The following ATF7IP2 variants were observed in gnomAD, a reference collection of about 807,000 sequenced individuals.
ATF7IP2 encodes the protein activating transcription factor 7 interacting protein 2.
A neutral mutation model predicts 64.2 loss-of-function variants in ATF7IP2; 42 were observed. That is an observed-to-expected ratio of 0.65 (90% CI 0.51 to 0.85). ATF7IP2 has a LOEUF of 0.85. Ranked by LOEUF, ATF7IP2 falls within the 40% of genes least tolerant of loss-of-function variation. ATF7IP2 has a pLI of 0.00. For missense variants in ATF7IP2, 933 were observed against 784.2 expected (o/e 1.19, Z -2.27); for synonymous variants, 308 against 272.8 (o/e 1.13, Z -1.27).
At chr16:10,401,108 G>T (rs145093929) in intron 1 of ATF7IP2, among the ~76,000 whole-genome samples, 1 of 152,148 alleles carries the variant, frequency 6.6e-6, no homozygotes, top group African/African-American at 2.4e-5. Context: ...ATTGATTTGC[G>T]TGTGTAGAAC....
chr16:10,462,404 T>C (rs2049404488), intron 9 of ATF7IP2, among the ~76,000 whole-genome samples: 1 of 152,106 alleles, frequency 6.6e-6, no homozygotes, highest in Non-Finnish European at 1.5e-5. Context: ...TTAGGAAAAA[T>C]GCCATCAGTT....
rs1352020607 is a variant in ATF7IP2 at position 10,428,940 on chromosome 16, C to T, written c.-87C>T. 1 of 151,680 alleles carries T rather than the reference C, an allele frequency of 6.6e-6. No homozygotes were observed. The highest frequency in any genetic ancestry group is 2.4e-5 in the African/African-American group (1 of 41,250). 9.4% of individuals were successfully genotyped at this position (151,680 alleles called of 1,614,324 possible). ...CCTTGCTGGAGTGCAGTGGTGCAAT[C>T]ACAGATCACGGCAGTGTCTAATTCC... On this transcript the variant is annotated 5_prime_UTR_variant, in exon 4 of 14. Transcript: ENST00000562102.
At chr16:10,403,226 T>G (rs908697739) in intron 1 of ATF7IP2, among the ~76,000 whole-genome samples, 5 of 152,138 alleles carry the variant, frequency 3.3e-5, no homozygotes, top group Non-Finnish European at 5.9e-5. Flanking sequence ...ATGTGACACA[T>G]ATGCACCAGG....
At chr16:10,393,200 C>T (rs1300641880) in intron 1 of ATF7IP2, among the ~76,000 whole-genome samples, 3 of 150,978 alleles carry the variant, frequency 2.0e-5, no homozygotes, top group African/African-American at 4.9e-5. Flanking sequence ...ATCCCAGCTA[C>T]TTGGGAGGCT....
At chr16:10,454,465 T>C (rs1365895014) in intron 8 of ATF7IP2, 1 of 148,902 alleles carries the variant, frequency 6.7e-6, no homozygotes, top group African/African-American at 2.5e-5. Context: ...ATGTTTGGGG[T>C]TCTACAGTGT....
At chr16:10,418,085 T>C (rs1402656403) in intron 2 of ATF7IP2, among the ~76,000 whole-genome samples, 1 of 152,198 alleles carries the variant, frequency 6.6e-6, no homozygotes, top group East Asian at 1.9e-4. Flanking sequence ...TTTACCCACA[T>C]ATTCATTGAC....
At chr16:10,412,010 GTTTTTTTTTTT>G (rs71133351) in intron 1 of ATF7IP2, among the ~76,000 whole-genome samples, 5 of 58,394 alleles carry the variant, frequency 8.6e-5, no homozygotes, top group Non-Finnish European at 1.3e-4. Context: ...ATCTTTTTTT[GTTTTTTTTTTT>G]TTTTTTTTTT....
intron 8 of ATF7IP2, among the ~76,000 whole-genome samples, chr16:10,453,071 C>T (rs1200961838): frequency 6.6e-6 from 1 of 152,178 alleles, no homozygotes; most frequent in Non-Finnish European, 1.5e-5. Context: ...CTGGCTTCAG[C>T]CCCCTTTGCA....
Position 10,482,235 on chromosome 16 carries a change from G to A in ATF7IP2, c.2035G>A (p.Glu679Lys), listed in dbSNP as rs1177511080. ...CDIKSIPGFS[E>K]NLT Reference sequence around the variant, plus strand: ...TATAAAATCTATCCCTGGGTTTTCTGAAAATCTTACGTAAAAGGTGTTTAA... The same window carrying A: ...TATAAAATCTATCCCTGGGTTTTCTAAAAATCTTACGTAAAAGGTGTTTAA... The change falls in exon 14 of 14, where the codon GAA becomes AAA. Residue 679 changes from glutamate (E) to lysine (K), a missense_variant. Physicochemically the swap from Glu to Lys is moderately conservative, Grantham distance 56. Transcript: ENST00000562102. 1 of 1,581,700 alleles carries A rather than the reference G, an allele frequency of 6.3e-7. No individual in the cohort carries two copies.
intron 8 of ATF7IP2, chr16:10,447,027 A>T (rs1235685069): frequency 6.6e-6 from 1 of 152,044 alleles, no homozygotes. Context: ...GGTCCCTCTT[A>T]ACATTGATGG....
Position 10,431,088 on chromosome 16 carries a change from T to A in ATF7IP2, c.468T>A (p.Phe156Leu). The A allele has an allele frequency of 1.2e-6, 2 of 1,614,192 alleles. No homozygotes were observed. Among genetic ancestry groups the A allele is most frequent in the Non-Finnish European group, 1.7e-6 (2 of 1,180,050 alleles). The change falls in exon 5 of 14, where the codon TTT becomes TTA. Residue 156 changes from phenylalanine to leucine, a missense_variant. Phe to Leu is a conservative substitution (Grantham distance 22). Transcript: ENST00000562102. ...AGACAAATGTAACAAGATCCCTTTTTGAGCATGAGGGGGCTTGTAGTCTAA... is the reference window on the plus strand; with the variant it reads ...AGACAAATGTAACAAGATCCCTTTTAGAGCATGAGGGGGCTTGTAGTCTAA... ...EHQTNVTRSL[F>L]EHEGACSLKS...
chr16:10,476,883 A>G (rs1196431275), intron 12 of ATF7IP2, among the ~76,000 whole-genome samples: 1 of 151,984 alleles, frequency 6.6e-6, no homozygotes, highest in Non-Finnish European at 1.5e-5. Flanking sequence ...TATGTACCAC[A>G]TTTTCTTTAG....
chr16:10,451,955 T>C (rs1453696127), intron 8 of ATF7IP2, among the ~76,000 whole-genome samples: 1 of 151,864 alleles, frequency 6.6e-6, no homozygotes, highest in Non-Finnish European at 1.5e-5. Context: ...CAGGAGGCTA[T>C]GCAGGAGAAT....
In ATF7IP2 at chr16:10,431,435, C is replaced by T. The variant is rs1199131925; in HGVS notation, c.815C>T (p.Ser272Leu). Residue 272 changes from serine (S) to leucine (L), a missense_variant, in exon 5 of 14, where the codon TCA becomes TTA. Physicochemically the swap from Ser to Leu is moderately radical, Grantham distance 145. Coordinates refer to ENST00000562102, the MANE Select transcript of ATF7IP2 (RefSeq NM_001393719.1). ...AGTGCAGACTCAACATGGCAGTCAT[C>T]ACTTGACACTAATAACAACAGTAAG... ...CESADSTWQS[S>L]LDTNNNSHYQ... The T allele has an allele frequency of 1.9e-6, 3 of 1,599,016 alleles. No homozygotes were observed. Among genetic ancestry groups the T allele is most frequent in the Non-Finnish European group, 2.6e-6 (3 of 1,170,120 alleles).
chr16:10,455,007 G>GTACA (rs2049120817), intron 8 of ATF7IP2, among the ~76,000 whole-genome samples: 2 of 152,158 alleles, frequency 1.3e-5, no homozygotes, highest in Non-Finnish European at 2.9e-5. Flanking sequence ...AATGTTCCAT[G>GTACA]TACAGAATGT....
intron 1 of ATF7IP2, among the ~76,000 whole-genome samples, chr16:10,394,806 GA>G (rs2141748900): frequency 6.6e-6 from 1 of 152,204 alleles, no homozygotes; most frequent in Admixed American, 6.5e-5. Context: ...TGAGGTGAAT[GA>G]AAATGAAGAC....
Position 10,438,105 on chromosome 16 carries a change from G to T in ATF7IP2, c.965G>T (p.Arg322Ile). 6.5e-7 allele frequency: 1 copy of T among 1,543,680 alleles called. No individual in the cohort carries two copies. Among genetic ancestry groups the T allele is most frequent in the South Asian group, 1.3e-5 (1 of 78,920 alleles). Reference sequence around the variant, plus strand: ...GTTTTTATTTTAAAATTCTAGGTCAGACATTTGATTCAGCAGGAGATCTAT... The same window carrying T: ...GTTTTTATTTTAAAATTCTAGGTCATACATTTGATTCAGCAGGAGATCTAT... ...ERQTAFLEQVRHLIQQEIYSI... is the reference protein window; with the variant it reads ...ERQTAFLEQVIHLIQQEIYSI... Residue 322 changes from arginine (R) to isoleucine (I), a missense_variant, in exon 7 of 14, where the codon AGA becomes ATA. Arg to Ile is a moderately conservative substitution (Grantham distance 97). Transcript: ENST00000562102.
intron 1 of ATF7IP2, among the ~76,000 whole-genome samples, chr16:10,401,275 C>T (rs2047529067): frequency 6.6e-6 from 1 of 151,984 alleles, no homozygotes; most frequent in African/African-American, 2.4e-5. Flanking sequence ...TCAAGCGATT[C>T]TCCTGCCCCA....
chr16:10,405,199 C>T (rs1337131189), intron 1 of ATF7IP2, among the ~76,000 whole-genome samples: 2 of 150,094 alleles, frequency 1.3e-5, no homozygotes, highest in Non-Finnish European at 3.0e-5. Flanking sequence ...CCGGTCTCTA[C>T]TAAAAAAAAA....
Sources: allele counts gnomAD v4.1 joint callset (sites outside exome capture counted in the v4.1 genomes callset), GRCh38; gene constraint gnomAD v4.1.1; transcripts MANE v1.5; gene names NCBI Gene and HGNC (gene_info 2026-07-23, HGNC 2026-07-21).